The following TJP2 variants were observed in gnomAD, a reference collection of about 807,000 sequenced individuals.
TJP2 encodes Friedreich ataxia region gene X104 (tight junction protein ZO-2).
In TJP2, 91 loss-of-function variants were observed where a neutral mutation model predicts 133.1. That is an observed-to-expected ratio of 0.68 (90% CI 0.58 to 0.81). TJP2 has a LOEUF of 0.81. TJP2 is among the 40% of genes least tolerant of loss of function. The pLI is 0.00. For missense variants in TJP2, 1,541 were observed against 1,565.6 expected (o/e 0.98, Z 0.26); for synonymous variants, 592 against 583.4 (o/e 1.01, Z -0.21).
At chr9:69,252,520 C>A (rs1831412873) in intron 21 of TJP2, among the ~76,000 whole-genome samples, 1 of 152,168 alleles carries the variant, frequency 6.6e-6, no homozygotes. Flanking sequence ...TAAGTAGAAT[C>A]ATACACTATT....
Position 69,221,179 on chromosome 9 carries a change from C to G in TJP2, c.635C>G (p.Thr212Ser), listed in dbSNP as rs1470645226. The G allele has an allele frequency of 6.3e-7, 1 of 1,598,102 alleles. No individual in the cohort carries two copies. The highest frequency in any genetic ancestry group is 8.5e-7 in the Non-Finnish European group (1 of 1,172,214). Residue 212 changes from threonine to serine, a missense_variant, in exon 5 of 23, where the codon ACC (threonine) becomes AGC (serine). Thr to Ser is a moderately conservative substitution (Grantham distance 58). Transcript: ENST00000377245. The part of the protein sequence containing the change: ...ERGLDQDHAR[T>S]RDRSRGRSLE... Reference sequence around the variant, plus strand: ...GGCCTGGACCAAGACCATGCGCGCACCCGAGACCGCAGCCGTGGCCGGAGC... The same window carrying G: ...GGCCTGGACCAAGACCATGCGCGCAGCCGAGACCGCAGCCGTGGCCGGAGC...
intron 2 of TJP2, among the ~76,000 whole-genome samples, chr9:69,158,984 C>T (rs533465148): frequency 7.0e-6 from 1 of 143,666 alleles, no homozygotes; most frequent in South Asian, 2.1e-4. Context: ...GATTCACCGC[C>T]CCCCCCCCAT....
chr9:69,239,032 A>T (rs1039714648), intron 16 of TJP2, among the ~76,000 whole-genome samples: 9 of 152,158 alleles, frequency 5.9e-5, no homozygotes, highest in African/African-American at 1.7e-4. Flanking sequence ...TACTAAAAAT[A>T]TAAAAAATTA....
intron 1 of TJP2, among the ~76,000 whole-genome samples, chr9:69,186,360 G>A (rs1825861151): frequency 1.3e-5 from 2 of 152,186 alleles, no homozygotes; most frequent in South Asian, 2.1e-4. Context: ...AATTTGAAGT[G>A]ATAAGGAAGG....
At chr9:69,165,019 G>A (rs1330191111) in intron 2 of TJP2, among the ~76,000 whole-genome samples, 4 of 152,108 alleles carry the variant, frequency 2.6e-5, no homozygotes, top group Non-Finnish European at 4.4e-5. Context: ...TAGTAGAGAC[G>A]GGGTGTCACC....
Position 69,125,350 on chromosome 9 carries a change from G to A in TJP2, c.-131+3625G>A, listed in dbSNP as rs1191165695. Reference sequence around the variant, plus strand: ...GAGATAGAGTCTAACTCTGTTATCCGGGTTGGAGTGCACTGGTGCCATCTC... The same window carrying A: ...GAGATAGAGTCTAACTCTGTTATCCAGGTTGGAGTGCACTGGTGCCATCTC... On this transcript the variant is annotated intron_variant, in intron 1 of 5. Transcript: ENST00000423935. Among the ~76,000 whole-genome samples the A allele has an allele frequency of 6.6e-4, 38 of 57,470 alleles. 9 individuals are homozygous for A. Among genetic ancestry groups the A allele is most frequent in the African/African-American group, 2.2e-3 (38 of 17,478 alleles). The allele number at this position is 57,470 out of a possible 152,430, so 37.7% of individuals were successfully genotyped here. A position where few individuals can be genotyped will look rare whatever the true frequency, so the allele number is the denominator to read the frequency against.
At chr9:69,181,718 C>T (rs1412135666) in intron 1 of TJP2, among the ~76,000 whole-genome samples, 7 of 152,066 alleles carry the variant, frequency 4.6e-5, no homozygotes, top group East Asian at 3.9e-4. Context: ...CCTTAAACTA[C>T]GTTTGTGTTT....
chr9:69,152,817 CTTTTTTTTTTTTTTTTTTT>C (rs10543289), intron 2 of TJP2, among the ~76,000 whole-genome samples: 1 of 47,996 alleles, frequency 2.1e-5, no homozygotes, highest in Non-Finnish European at 4.0e-5. Flanking sequence ...CTCTGGAGCT[CTTTTTTTTTTTTTTTTTTT>C]TTTTTTTTTT....
At chr9:69,224,620 T>A (rs1042692755) in intron 5 of TJP2, among the ~76,000 whole-genome samples, 4 of 152,144 alleles carry the variant, frequency 2.6e-5, no homozygotes, top group Admixed American at 2.0e-4. Flanking sequence ...GAGGTTGCAG[T>A]GAGCTGAGAT....
At chr9:69,231,116 GT>G (rs11329458) in intron 11 of TJP2, among the ~76,000 whole-genome samples, 59,209 of 150,814 alleles carry the variant, frequency 0.39, 11,597 homozygotes, top group Admixed American at 0.48. Flanking sequence ...TGTTTTTTTT[GT>G]TTTTTTTTGT....
chr9:69,127,915 C>CTTTTTTTTTTTTT (rs533707557), intron 1 of TJP2, among the ~76,000 whole-genome samples: 1 of 66,222 alleles, frequency 1.5e-5, no homozygotes, highest in African/African-American at 4.6e-5. Flanking sequence ...GTATCTGTTC[C>CTTTTTTTTTTTTT]TTTTTTTTTT....
At chr9:69,169,090 G>A (rs1484831623) in intron 2 of TJP2, among the ~76,000 whole-genome samples, 1 of 152,140 alleles carries the variant, frequency 6.6e-6, no homozygotes, top group Admixed American at 6.5e-5. Flanking sequence ...GGTCCTTCTG[G>A]CGGAGTTTTA....
chr9:69,143,854 A>C (rs1171354714), intron 1 of TJP2, among the ~76,000 whole-genome samples: 1 of 152,168 alleles, frequency 6.6e-6, no homozygotes, highest in Non-Finnish European at 1.5e-5. Context: ...CAGAGTTTTA[A>C]GTACACTCAT....
At chr9:69,187,509 TTA>T (rs1286522680) in intron 1 of TJP2, among the ~76,000 whole-genome samples, 1 of 152,230 alleles carries the variant, frequency 6.6e-6, no homozygotes, top group Non-Finnish European at 1.5e-5. Flanking sequence ...GGATAGTCCT[TTA>T]TCTTTCAGCA....
intron 1 of TJP2, among the ~76,000 whole-genome samples, chr9:69,137,082 T>A (rs535044140): frequency 1.3e-5 from 2 of 152,308 alleles, no homozygotes; most frequent in East Asian, 3.9e-4. Context: ...TAGCTCTGCC[T>A]GATCCCTGAA....
intron 2 of TJP2, among the ~76,000 whole-genome samples, chr9:69,157,062 C>A (rs1386295526): frequency 6.6e-6 from 1 of 152,186 alleles, no homozygotes; most frequent in Non-Finnish European, 1.5e-5. Context: ...GCATGTCCAA[C>A]CCCCACTTCC....
At chr9:69,142,522 T>C (rs1018294713) in intron 1 of TJP2, among the ~76,000 whole-genome samples, 22 of 152,286 alleles carry the variant, frequency 1.4e-4, no homozygotes, top group African/African-American at 5.1e-4. Context: ...AACAAAAAAA[T>C]TGCTGTTTCC....
intron 15 of TJP2, among the ~76,000 whole-genome samples, chr9:69,238,441 C>A (rs1830349775): frequency 6.6e-6 from 1 of 152,044 alleles, no homozygotes; most frequent in South Asian, 2.1e-4. Flanking sequence ...TATGTCTTTC[C>A]AGTCCCCTCT....
At chr9:69,183,409 G>A (rs1825648119) in intron 1 of TJP2, among the ~76,000 whole-genome samples, 1 of 152,136 alleles carries the variant, frequency 6.6e-6, no homozygotes, top group Non-Finnish European at 1.5e-5. Context: ...GCTTGAACTT[G>A]GGAGAGGACC....
Sources: gnomAD v4.1 joint callset for allele counts (sites outside exome capture counted in the v4.1 genomes callset) on GRCh38, gnomAD v4.1.1 for gene constraint, MANE v1.5 for transcripts, NCBI Gene and HGNC (gene_info 2026-07-23, HGNC 2026-07-21) for gene names.